The following MYRIP variants were observed in gnomAD, a reference collection of about 807,000 sequenced individuals.
MYRIP encodes rab effector MyRIP.
Under a neutral mutation model 98.0 loss-of-function variants are expected in MYRIP, and 49 were observed. That is an observed-to-expected ratio of 0.50 (90% CI 0.40 to 0.63). The LOEUF (loss-of-function observed/expected upper bound fraction) is 0.63. Ranked by LOEUF, MYRIP falls within the 30% of genes least tolerant of loss-of-function variation. The probability of loss-of-function intolerance (pLI) is 0.00; values close to 1 mark genes in which losing one functional copy is unlikely to be tolerated. For synonymous variants in MYRIP, 404 were observed against 409.5 expected (o/e 0.99, Z 0.16); for missense variants, 1,004 against 1,058.2 (o/e 0.95, Z 0.71).
intron 1 of MYRIP, among the ~76,000 whole-genome samples, chr3:39,892,226 C>G (rs1205786605): frequency 6.6e-6 from 1 of 151,988 alleles, no homozygotes; most frequent in Admixed American, 6.6e-5. Flanking sequence ...TTACCTAGCC[C>G]AAGTGAAAAC....
chr3:39,821,645 C>T (rs924563390), intron 1 of MYRIP, among the ~76,000 whole-genome samples: 13 of 151,858 alleles, frequency 8.6e-5, no homozygotes, highest in East Asian at 5.8e-4. Context: ...TCACAAGTTT[C>T]GATATATAAT....
chr3:39,847,181 A>G (rs67354804), intron 1 of MYRIP, among the ~76,000 whole-genome samples: 12,536 of 152,214 alleles, frequency 0.082, 577 homozygotes, highest in African/African-American at 0.12. Flanking sequence ...AAAGACAATA[A>G]CAAGGTCATA....
At chr3:39,883,206 T>G (rs1159590910) in intron 1 of MYRIP, among the ~76,000 whole-genome samples, 2 of 152,166 alleles carry the variant, frequency 1.3e-5, no homozygotes, top group African/African-American at 4.8e-5. Flanking sequence ...ACCCTCACTT[T>G]GGGTTGAAAT....
At position 39,958,997 on chromosome 3, in the gene MYRIP, G is replaced by T. The variant is rs563794218; in HGVS notation, c.110+58071G>T. ...ATGAGATACCATCTCACACCAGTTA[G>T]AATGGCAATCATTAAAAAGTCAGGA... is the stretch of plus-strand genomic sequence containing the variant. On this transcript the variant is annotated intron_variant, in intron 2 of 16. Transcript: ENST00000302541. Among the ~76,000 whole-genome samples, 1,408 of 152,240 alleles carry T rather than the reference G, an allele frequency of 9.2e-3. 6 individuals are homozygous for T. Among genetic ancestry groups the T allele is most frequent in the African/African-American group, 0.031 (1,269 of 41,480 alleles).
rs1949544290 is a variant in MYRIP at position 40,127,331 on chromosome 3, G to T, written c.333-23717G>T. 2.6e-5 allele frequency among the ~76,000 whole-genome samples: 4 copies of T among 152,278 alleles called. No individual in the cohort carries two copies. In the South Asian group the frequency reaches 8.3e-4, roughly 32 times the overall value. On this transcript the variant is annotated intron_variant, in intron 3 of 16. Transcript: ENST00000302541. ...TTGCAGGTAAGGAACAGGGCACCCA[G>T]AGAGGTTAGCGACTTGCTTTTGGTC...
chr3:40,164,057 G>T (rs576767962), intron 5 of MYRIP, among the ~76,000 whole-genome samples: 1 of 152,230 alleles, frequency 6.6e-6, no homozygotes, highest in East Asian at 1.9e-4. Flanking sequence ...AGCACCTGAA[G>T]ATCTTATAGG....
chr3:40,105,923 G>T (rs773626520), intron 3 of MYRIP, among the ~76,000 whole-genome samples: 30 of 152,008 alleles, frequency 2.0e-4, no homozygotes, highest in Admixed American at 7.2e-4. Flanking sequence ...GGATTATGGG[G>T]ATTACAATTC....
intron 2 of MYRIP, among the ~76,000 whole-genome samples, chr3:39,981,306 TG>T (rs1331862534): frequency 6.6e-6 from 1 of 152,212 alleles, no homozygotes; most frequent in African/African-American, 2.4e-5. Context: ...TTATCTGGGT[TG>T]TATTCTTCCC....
intron 3 of MYRIP, among the ~76,000 whole-genome samples, chr3:40,136,623 C>T (rs984579646): frequency 6.6e-5 from 10 of 150,924 alleles, no homozygotes; most frequent in Non-Finnish European, 1.2e-4. Context: ...AAATTGACCA[C>T]ATAGTTGGAA....
intron 1 of MYRIP, among the ~76,000 whole-genome samples, chr3:39,816,227 G>T (rs565223134): frequency 6.6e-6 from 1 of 152,038 alleles, no homozygotes; most frequent in African/African-American, 2.4e-5. Flanking sequence ...GACTACAGGC[G>T]CCGGCCACCA....
intron 3 of MYRIP, among the ~76,000 whole-genome samples, chr3:40,088,567 C>T (rs1948675942): frequency 6.6e-6 from 1 of 152,190 alleles, no homozygotes; most frequent in Non-Finnish European, 1.5e-5. Context: ...CCTTCAGGAC[C>T]TCAGAGTCTA....
intron 1 of MYRIP, among the ~76,000 whole-genome samples, chr3:39,869,081 G>A (rs1942708627): frequency 1.3e-5 from 2 of 152,072 alleles, no homozygotes; most frequent in Admixed American, 6.6e-5. Context: ...CAAGATTTCT[G>A]GATGTGCGAT....
chr3:40,219,793 A>G (rs1272855518), intron 11 of MYRIP, among the ~76,000 whole-genome samples: 1 of 151,936 alleles, frequency 6.6e-6, no homozygotes, highest in Admixed American at 6.6e-5. Context: ...CACAATAAAC[A>G]TATGTGTGCA....
intron 1 of MYRIP, among the ~76,000 whole-genome samples, chr3:39,844,348 A>T (rs1229905996): frequency 6.6e-6 from 1 of 152,232 alleles, no homozygotes; most frequent in Admixed American, 6.5e-5. Flanking sequence ...TGGGACTGTC[A>T]TGCTACAGCT....
chr3:40,233,924 G>A lies in MYRIP; in HGVS notation c.1971G>A (p.Glu657=). The A allele has an allele frequency of 6.2e-7, 1 of 1,613,836 alleles. No homozygotes were observed. Among genetic ancestry groups the A allele is most frequent in the Non-Finnish European group, 8.5e-7 (1 of 1,179,930 alleles). Residue 657 remains glutamate (E), a synonymous_variant, in exon 12 of 17, where the codon GAG becomes GAA. Transcript: ENST00000302541. ...TCCTGAAAGTCATCAATGCCACAGAGGAGTTGATAGCAGGATCTACAGGGC... is the reference window on the plus strand; with the variant it reads ...TCCTGAAAGTCATCAATGCCACAGAAGAGTTGATAGCAGGATCTACAGGGC... The part of the protein sequence containing the change: ...TEVLKVINAT[E]ELIAGSTGPW...
At chr3:40,133,731 CA>C (rs1031244052) in intron 3 of MYRIP, among the ~76,000 whole-genome samples, 2 of 152,132 alleles carry the variant, frequency 1.3e-5, no homozygotes, top group Non-Finnish European at 2.9e-5. Flanking sequence ...ACTCTGTCTC[CA>C]AAAACAGGGG....
intron 9 of MYRIP, among the ~76,000 whole-genome samples, chr3:40,186,696 T>C (rs985946936): frequency 6.6e-6 from 1 of 152,156 alleles, no homozygotes; most frequent in Admixed American, 6.5e-5. Context: ...GTGCTGCCAA[T>C]TGGAAGTCCA....
At chr3:39,943,665 A>G (rs1292534897) in intron 2 of MYRIP, among the ~76,000 whole-genome samples, 3 of 152,154 alleles carry the variant, frequency 2.0e-5, no homozygotes, top group African/African-American at 7.2e-5. Context: ...TTTAATATTT[A>G]GGCACTGTGA....
chr3:39,869,998 G>T (rs1238101782), intron 1 of MYRIP, among the ~76,000 whole-genome samples: 1 of 152,130 alleles, frequency 6.6e-6, no homozygotes. Flanking sequence ...CTGGCTCTGG[G>T]GAGTTGCCTA....
Sources: allele counts gnomAD v4.1 joint callset (sites outside exome capture counted in the v4.1 genomes callset), GRCh38; gene constraint gnomAD v4.1.1; transcripts MANE v1.5; gene names NCBI Gene and HGNC (gene_info 2026-07-23, HGNC 2026-07-21).